MCTP2: variants seen among roughly 807,000 people sequenced by gnomAD.
The protein encoded by MCTP2 is multiple C2 and transmembrane domain containing 2.
A neutral mutation model predicts 111.6 loss-of-function variants in MCTP2; 132 were observed. That is an observed-to-expected ratio of 1.18 (90% confidence interval 1.03 to 1.37). The LOEUF is 1.37. Among genes scored for constraint, MCTP2 ranks in the 40% most tolerant of loss-of-function variants. MCTP2 has a pLI of 0.00. For missense variants in MCTP2, 1,183 were observed against 1,067.9 expected, an observed-to-expected ratio of 1.11 and a Z score of -1.50; for synonymous variants, 395 against 387.7, an observed-to-expected ratio of 1.02 and a Z score of -0.22.
intron 20 of MCTP2, among the ~76,000 whole-genome samples, chr15:94,461,443 G>C (rs1036338241): frequency 6.6e-6 from 1 of 152,178 alleles, no homozygotes; most frequent in African/African-American, 2.4e-5. Flanking sequence ...CTGGGCAACA[G>C]AGTGAGACTC....
chr15:94,412,140 G>A lies in MCTP2; in HGVS notation c.2085+10121G>A, dbSNP rs147528016. ...AAGAAAGCTGCAGGCTTCAGAAAGTGATTTTCCCAAGGCCTCCTCATTTGT... is the reference window on the plus strand; with the variant it reads ...AAGAAAGCTGCAGGCTTCAGAAAGTAATTTTCCCAAGGCCTCCTCATTTGT... On this transcript the variant is annotated intron_variant, in intron 17 of 22. Transcript: ENST00000357742. Among the ~76,000 whole-genome samples the A allele has an allele frequency of 5.5e-3, 836 of 152,274 alleles. 10 individuals are homozygous for A. The highest frequency in any genetic ancestry group is 5.3e-3 in the Non-Finnish European group (359 of 68,016).
At chr15:94,251,764 C>G (rs976529805) in intron 1 of MCTP2, among the ~76,000 whole-genome samples, 7 of 152,166 alleles carry the variant, frequency 4.6e-5, no homozygotes, top group African/African-American at 1.7e-4. Flanking sequence ...GTAACTGAAA[C>G]TGTGTCCATT....
intron 20 of MCTP2, among the ~76,000 whole-genome samples, chr15:94,463,907 T>C (rs1024113623): frequency 2.6e-5 from 4 of 152,108 alleles, no homozygotes; most frequent in African/African-American, 9.7e-5. Flanking sequence ...AAACCAATCT[T>C]ACATTCTTGG....
intron 14 of MCTP2, among the ~76,000 whole-genome samples, 169 bp from the exon 15 acceptor site, chr15:94,398,792 G>A (rs1271642864): frequency 2.0e-5 from 3 of 152,162 alleles, no homozygotes; most frequent in African/African-American, 7.2e-5. Flanking sequence ...TGTTATAACA[G>A]CACTCTAAAA....
chr15:94,298,101 G>A (rs912147906), intron 1 of MCTP2, 100 bp from the exon 2 acceptor site: 7 of 502,174 alleles, frequency 1.4e-5, no homozygotes, highest in South Asian at 7.2e-5. Context: ...TAAGATTTTT[G>A]AGTCGTGTTT....
intron 17 of MCTP2, among the ~76,000 whole-genome samples, chr15:94,418,376 G>A (rs1044229924): frequency 1.3e-5 from 2 of 152,098 alleles, no homozygotes; most frequent in Non-Finnish European, 2.9e-5. Flanking sequence ...ATAAATAAAT[G>A]TGTGAAGATT....
chr15:94,294,630 C>T (rs529071525), intron 1 of MCTP2, among the ~76,000 whole-genome samples: 1 of 152,184 alleles, frequency 6.6e-6, no homozygotes, highest in Admixed American at 6.5e-5. Flanking sequence ...TTTACAGCAA[C>T]TCCTTTTCTC....
chr15:94,231,860 A>C (rs906338926), intron 1 of MCTP2, 196 bp downstream of exon 1: 2 of 152,508 alleles, frequency 1.3e-5, no homozygotes, highest in African/African-American at 4.8e-5. Flanking sequence ...GACTGGAGGC[A>C]GAAATCCAGG....
rs1400293494 is a variant in MCTP2 at position 94,245,603 on chromosome 15, CAT to C, written c.-66+13943_-66+13944del. Among the ~76,000 whole-genome samples the C allele has an allele frequency of 3.8e-4, 54 of 141,918 alleles. 1 individual carries two copies. Among genetic ancestry groups the C allele is most frequent in the Admixed American group, 1.9e-3 (27 of 14,000 alleles). 93.1% of individuals were successfully genotyped at this position (141,918 alleles called of 152,430 possible). A position where few individuals can be genotyped will look rare whatever the true frequency, so the allele number is the denominator to read the frequency against. ...GTATATGTACATATACGTATATAGA[CAT>C]ATACATATGTACATGTATATATACA... On this transcript the variant is annotated intron_variant, in intron 1 of 22. Transcript: ENST00000357742.
In MCTP2 at chr15:94,321,258, T is replaced by C. The variant is rs984462664; in HGVS notation, c.637+5621T>C. On this transcript the variant is annotated intron_variant, in intron 4 of 22. Coordinates refer to ENST00000357742, the MANE Select transcript of MCTP2 (RefSeq NM_001385001.1). ...GTTCAATGGCTCAGTAGGGTGACTATACTTAATAATAATTTATTGTATATT... is the reference window on the plus strand; with the variant it reads ...GTTCAATGGCTCAGTAGGGTGACTACACTTAATAATAATTTATTGTATATT... Among the ~76,000 whole-genome samples the C allele has an allele frequency of 2.0e-5, 3 of 152,162 alleles. No homozygotes were observed. In the East Asian group the frequency reaches 5.8e-4, roughly 29 times the overall value.
chr15:94,400,034 T>G, intron 16 of MCTP2, 39 bp downstream of exon 16: 1 of 1,562,064 alleles, frequency 6.4e-7, no homozygotes, highest in Non-Finnish European at 8.8e-7. Flanking sequence ...ATTGGTACAC[T>G]CAGCACCCAG....
chr15:94,381,004 G>A (rs2080105052), intron 12 of MCTP2, among the ~76,000 whole-genome samples: 1 of 152,210 alleles, frequency 6.6e-6, no homozygotes, highest in African/African-American at 2.4e-5. Context: ...GCATAAATGT[G>A]TCAAGGTGAT....
intron 7 of MCTP2, chr15:94,341,179 G>T: frequency 7.6e-6 from 3 of 393,126 alleles, no homozygotes; most frequent in South Asian, 3.4e-5. Context: ...GCAGCATTTT[G>T]GTTTCTTCTT....
intron 1 of MCTP2, among the ~76,000 whole-genome samples, chr15:94,251,988 T>A (rs1452333601): frequency 6.6e-6 from 1 of 152,248 alleles, no homozygotes. Context: ...AAAGGCTGAA[T>A]AATAATATGT....
intron 12 of MCTP2, among the ~76,000 whole-genome samples, chr15:94,381,595 G>A (rs999280825): frequency 2.0e-5 from 3 of 152,218 alleles, no homozygotes; most frequent in Non-Finnish European, 4.4e-5. Flanking sequence ...AAAAGTGTCA[G>A]ACGGTTTCCC....
intron 4 of MCTP2, among the ~76,000 whole-genome samples, chr15:94,322,961 C>T (rs2076695377): frequency 6.6e-6 from 1 of 152,330 alleles, no homozygotes; most frequent in African/African-American, 2.4e-5. Context: ...CAGAAAAGGT[C>T]TCAGATACCA....
At chr15:94,315,182 C>T (rs992943698) in intron 3 of MCTP2, among the ~76,000 whole-genome samples, 1 of 152,150 alleles carries the variant, frequency 6.6e-6, no homozygotes, top group Non-Finnish European at 1.5e-5. Flanking sequence ...GCACTTCTTC[C>T]TCCTGTTGCC....
rs4001978 is a variant in MCTP2 at position 94,464,257 on chromosome 15, T to TATATTATATATATATATATATTA, written c.2360+6011_2360+6012insATATTATATATATATATATATTA. ...TATATATAATATATATATATATATA[T>TATATTATATATATATATATATTA]TATATATATATATATATATATAAAC... On this transcript the variant is annotated intron_variant, in intron 20 of 22. Coordinates refer to ENST00000357742, the MANE Select transcript of MCTP2 (RefSeq NM_001385001.1). 6.5e-4 allele frequency among the ~76,000 whole-genome samples: 29 copies of TATATTATATATATATATATATTA among 44,936 alleles called. 1 individual carries two copies. The highest frequency in any genetic ancestry group is 1.7e-3 in the African/African-American group (29 of 16,680). The allele number at this position is 44,936 out of a possible 152,430, so 29.5% of individuals were successfully genotyped here. A position where few individuals can be genotyped will look rare whatever the true frequency, so the allele number is the denominator to read the frequency against.
At chr15:94,454,407 CACTT>C (rs904120906) in intron 19 of MCTP2, among the ~76,000 whole-genome samples, 1 of 152,098 alleles carries the variant, frequency 6.6e-6, no homozygotes, top group Non-Finnish European at 1.5e-5. Context: ...GTAGTGTCCA[CACTT>C]ACAATATTTT....
Sources: gnomAD v4.1 joint callset for allele counts (sites outside exome capture counted in the v4.1 genomes callset) on GRCh38, gnomAD v4.1.1 for gene constraint, MANE v1.5 for transcripts, NCBI Gene and HGNC (gene_info 2026-07-23, HGNC 2026-07-21) for gene names.